STK32B: variants seen among roughly 807,000 people sequenced by gnomAD.
The protein encoded by STK32B is serine/threonine kinase 32B.
In STK32B, 43 loss-of-function variants were observed where a neutral mutation model predicts 52.6. The observed-to-expected ratio is 0.82, with a 90% CI of 0.64 to 1.05. The LOEUF is 1.05. STK32B is among the 50% of genes least tolerant of loss of function. STK32B has a pLI of 0.00. For synonymous variants in STK32B, 238 were observed against 204.3 expected (o/e 1.17, Z -1.41); for missense variants, 621 against 534.6 (o/e 1.16, Z -1.59).
intron 3 of STK32B, among the ~76,000 whole-genome samples, chr4:5,330,776 T>C (rs1016184264): frequency 2.0e-5 from 3 of 152,060 alleles, no homozygotes; most frequent in African/African-American, 7.2e-5. Context: ...CATTCAAGAG[T>C]TGCAGAAACA....
At chr4:5,259,083 A>T (rs1315624962) in intron 3 of STK32B, among the ~76,000 whole-genome samples, 1 of 152,082 alleles carries the variant, frequency 6.6e-6, no homozygotes, top group African/African-American at 2.4e-5. Context: ...TCCAGTCTTT[A>T]CTCAACAACA....
chr4:5,315,072 A>G lies in STK32B; in HGVS notation c.261-16148A>G, dbSNP rs530909969. 7.2e-5 allele frequency among the ~76,000 whole-genome samples: 11 copies of G among 152,288 alleles called. No homozygotes were observed. In the South Asian group the frequency reaches 1.2e-3, roughly 17 times the overall value. On this transcript the variant is annotated intron_variant, in intron 3 of 11. Coordinates refer to ENST00000282908, the MANE Select transcript of STK32B (RefSeq NM_018401.3). ...GGAGAAGAAAATATTTGCAAACCAC[A>G]TATTTGACAAAGGACTTGTATCTAG...
rs543054732 is a variant in STK32B at position 5,322,894 on chromosome 4, C to A, written c.261-8326C>A. Among the ~76,000 whole-genome samples the A allele has an allele frequency of 5.3e-5, 8 of 152,332 alleles. No homozygotes were observed. In the East Asian group the frequency reaches 1.5e-3, roughly 29 times the overall value. ...TCACGTGTATTTCATGTGTTATCAGCATGGCTGACCTTTAGTTTGTAAGCA... is the reference window on the plus strand; with the variant it reads ...TCACGTGTATTTCATGTGTTATCAGAATGGCTGACCTTTAGTTTGTAAGCA... On this transcript the variant is annotated intron_variant, in intron 3 of 11. Coordinates refer to ENST00000282908, the MANE Select transcript of STK32B (RefSeq NM_018401.3).
intron 3 of STK32B, among the ~76,000 whole-genome samples, chr4:5,323,141 C>T (rs750449336): frequency 6.6e-6 from 1 of 152,128 alleles, no homozygotes; most frequent in East Asian, 1.9e-4. Context: ...AATTGAGAGA[C>T]AGGAGTCTGA....
chr4:5,443,221 C>G (rs1456362356), intron 6 of STK32B, among the ~76,000 whole-genome samples: 1 of 147,314 alleles, frequency 6.8e-6, no homozygotes, highest in Non-Finnish European at 1.5e-5. Flanking sequence ...GTTCCATTCT[C>G]CCCATCACTT....
chr4:5,196,655 A>T (rs1166253971), intron 3 of STK32B, among the ~76,000 whole-genome samples: 1 of 151,992 alleles, frequency 6.6e-6, no homozygotes, highest in East Asian at 1.9e-4. Context: ...CGGGAGGCGG[A>T]GGTTGCAGTG....
chr4:5,331,277 C>A lies in STK32B; in HGVS notation c.318C>A (p.Gly106=), dbSNP rs73211139. ...MFMVVDLLLG[G]DLRYHLQQNV... ...TGGTGGTGGACCTGCTCCTGGGAGGCGACCTGCGCTACCATCTGCAGCAGA... is the reference window on the plus strand; with the variant it reads ...TGGTGGTGGACCTGCTCCTGGGAGGAGACCTGCGCTACCATCTGCAGCAGA... Residue 106 remains glycine (G), a synonymous_variant, in exon 4 of 12, where the codon GGC becomes GGA. Transcript: ENST00000282908. 2.3e-5 allele frequency: 37 copies of A among 1,613,716 alleles called. No homozygotes were observed. Among genetic ancestry groups the A allele is most frequent in the Non-Finnish European group, 2.9e-5 (34 of 1,179,884 alleles).
chr4:5,274,593 T>C (rs1457409139), intron 3 of STK32B, among the ~76,000 whole-genome samples: 3 of 152,136 alleles, frequency 2.0e-5, no homozygotes, highest in Admixed American at 2.0e-4. Context: ...GGTAAAGAAA[T>C]AGCCAATCAT....
intron 6 of STK32B, 23 bp from the exon 7 acceptor site, chr4:5,446,650 T>A (rs73211201): frequency 0.035 from 56,726 of 1,600,634 alleles, 1,254 homozygotes; most frequent in South Asian, 0.076. Flanking sequence ...ACAATGATGT[T>A]CTCCTTGTCC....
intron 6 of STK32B, among the ~76,000 whole-genome samples, chr4:5,432,037 A>G (rs556358061): frequency 1.3e-5 from 2 of 152,340 alleles, no homozygotes; most frequent in South Asian, 4.1e-4. Context: ...GTAATAATGA[A>G]TTACTGTAAC....
In STK32B at chr4:5,120,471, T is replaced by C. The variant is rs150542733; in HGVS notation, c.53-19434T>C. 2.7e-3 allele frequency among the ~76,000 whole-genome samples: 404 copies of C among 152,358 alleles called. 3 individuals carry two copies. Among genetic ancestry groups the C allele is most frequent in the African/African-American group, 8.6e-3 (359 of 41,574 alleles). On this transcript the variant is annotated intron_variant, in intron 1 of 11. Transcript: ENST00000282908. ...GTTATAATTTTTCCATATTTAGTTA[T>C]TGTTAATTTCTTACTGTGCTTAACT...
intron 7 of STK32B, among the ~76,000 whole-genome samples, chr4:5,452,011 G>C (rs1465376354): frequency 6.6e-6 from 1 of 152,168 alleles, no homozygotes; most frequent in Non-Finnish European, 1.5e-5. Context: ...TCAACCACTA[G>C]AGACAGGCAC....
intron 3 of STK32B, among the ~76,000 whole-genome samples, chr4:5,325,874 A>G (rs527309493): frequency 7.2e-4 from 109 of 152,370 alleles, no homozygotes; most frequent in Non-Finnish European, 1.4e-3. Context: ...CAATGTCACA[A>G]AGCTGTAGAA....
chr4:5,038,194 C>T, the STK32B span, among the ~76,000 whole-genome samples: 84 of 152,318 alleles, frequency 5.5e-4, no homozygotes, highest in African/African-American at 1.9e-3. Flanking sequence ...AACCATTCAG[C>T]TGTTCATTCA....
intron 2 of STK32B, among the ~76,000 whole-genome samples, chr4:5,163,222 A>G (rs1307816113): frequency 6.6e-6 from 1 of 152,160 alleles, no homozygotes; most frequent in Non-Finnish European, 1.5e-5. Flanking sequence ...TCATGAGTGA[A>G]GGTGACACTT....
intron 1 of STK32B, among the ~76,000 whole-genome samples, chr4:5,087,305 T>C (rs1478973463): frequency 6.6e-6 from 1 of 151,922 alleles, no homozygotes; most frequent in East Asian, 1.9e-4. Context: ...ATAATGTATA[T>C]AGAGAGAAAC....
At chr4:5,444,003 A>T (rs1412139769) in intron 6 of STK32B, among the ~76,000 whole-genome samples, 1 of 152,178 alleles carries the variant, frequency 6.6e-6, no homozygotes. Flanking sequence ...GCTCTCTTCA[A>T]AGCTGTCAGA....
chr4:5,161,189 C>G (rs1411726721), intron 2 of STK32B, among the ~76,000 whole-genome samples: 1 of 152,126 alleles, frequency 6.6e-6, no homozygotes, highest in Non-Finnish European at 1.5e-5. Context: ...AAATACTCAT[C>G]CAAGTAAGTA....
At chr4:5,241,666 G>A (rs1273829409) in intron 3 of STK32B, among the ~76,000 whole-genome samples, 7 of 151,908 alleles carry the variant, frequency 4.6e-5, no homozygotes, top group East Asian at 1.9e-4. Context: ...ATGTTGGTGT[G>A]CTGCACCCAT....
Sources: gnomAD v4.1 joint callset for allele counts (sites outside exome capture counted in the v4.1 genomes callset) on GRCh38, gnomAD v4.1.1 for gene constraint, MANE v1.5 for transcripts, NCBI Gene and HGNC (gene_info 2026-07-23, HGNC 2026-07-21) for gene names.